STK32B: variants seen among roughly 807,000 people sequenced by gnomAD.
STK32B encodes serine/threonine kinase 32B.
STK32B carries 43 observed loss-of-function variants against 52.6 expected under a neutral mutation model. The observed-to-expected ratio is 0.82, with a 90% CI of 0.64 to 1.05. The LOEUF is 1.05. STK32B is among the 50% of genes least tolerant of loss of function. The pLI is 0.00. For synonymous variants in STK32B, 238 were observed against 204.3 expected (o/e 1.17, Z -1.41); for missense variants, 621 against 534.6 (o/e 1.16, Z -1.59).
At chr4:5,274,405 A>G (rs961139238) in intron 3 of STK32B, among the ~76,000 whole-genome samples, 2 of 152,100 alleles carry the variant, frequency 1.3e-5, no homozygotes, top group East Asian at 3.9e-4. Context: ...GGTGGGACAG[A>G]CCATATTGAG....
intron 2 of STK32B, among the ~76,000 whole-genome samples, chr4:5,150,562 G>C (rs1257168185): frequency 1.4e-5 from 2 of 146,292 alleles, no homozygotes; most frequent in African/African-American, 4.9e-5. Context: ...GCAGGCACAT[G>C]AATCTCAGTC....
chr4:5,254,478 T>G (rs1323227696), intron 3 of STK32B, among the ~76,000 whole-genome samples: 1 of 152,210 alleles, frequency 6.6e-6, no homozygotes, highest in East Asian at 1.9e-4. Context: ...ATACATACAT[T>G]GTTGATTTTC....
chr4:5,212,894 G>A (rs1030866663), intron 3 of STK32B, among the ~76,000 whole-genome samples: 8 of 152,132 alleles, frequency 5.3e-5, no homozygotes, highest in African/African-American at 1.7e-4. Flanking sequence ...ATGATCGCAG[G>A]CAGAAGGTCG....
At chr4:5,193,882 A>C (rs189859246) in intron 3 of STK32B, among the ~76,000 whole-genome samples, 1 of 152,206 alleles carries the variant, frequency 6.6e-6, no homozygotes, top group African/African-American at 2.4e-5. Context: ...CATCCTTCAG[A>C]GACATCTGTG....
Position 5,453,940 on chromosome 4 carries a change from G to T in STK32B, c.667-2867G>T, listed in dbSNP as rs928551405. On this transcript the variant is annotated intron_variant, in intron 7 of 11. Transcript: ENST00000282908. This position sits in a 1 kb window ranked among gnomAD's most constrained non-coding sequence, Gnocchi z 4.0. ...AAGTCCAAAACTGAACTCAGCCCCA[G>T]CTCATCTCCCAGTGGTAGCCCTGAG... 6.6e-6 allele frequency among the ~76,000 whole-genome samples: 1 copy of T among 151,990 alleles called. No homozygotes were observed. Among genetic ancestry groups the T allele is most frequent in the Non-Finnish European group, 1.5e-5 (1 of 68,008 alleles).
intron 1 of STK32B, among the ~76,000 whole-genome samples, chr4:5,110,826 GC>G (rs1370255280): frequency 6.6e-6 from 1 of 151,850 alleles, no homozygotes; most frequent in Non-Finnish European, 1.5e-5. Flanking sequence ...TAAACAGACA[GC>G]CTACAGAATG....
At position 5,419,342 on chromosome 4, in the gene STK32B, G is replaced by C. The variant is rs1173548937; in HGVS notation, c.562+2408G>C. On this transcript the variant is annotated intron_variant, in intron 6 of 11. Transcript: ENST00000282908. ...AGTTCTTCTTTCCTTTGTCTGTAGG[G>C]TCTCTGTCCTGAGGCAGTTTGGTTC... 4.6e-5 allele frequency among the ~76,000 whole-genome samples: 7 copies of C among 152,168 alleles called. No individual in the cohort carries two copies. The East Asian group carries it at 1.4e-3, about 29-fold the overall frequency.
intron 3 of STK32B, among the ~76,000 whole-genome samples, chr4:5,181,814 A>G (rs1720388265): frequency 6.6e-6 from 1 of 152,212 alleles, no homozygotes; most frequent in African/African-American, 2.4e-5. Context: ...CTTGATGTTG[A>G]CTGATCAGAG....
In STK32B at chr4:5,317,481, T is replaced by A. The variant is rs1158554922; in HGVS notation, c.261-13739T>A. Among the ~76,000 whole-genome samples, 256 of 59,396 alleles carry A rather than the reference T, an allele frequency of 4.3e-3. 37 individuals are homozygous for A. Among genetic ancestry groups the A allele is most frequent in the African/African-American group, 0.02 (224 of 11,074 alleles). 39.0% of individuals were successfully genotyped at this position (59,396 alleles called of 152,430 possible). On this transcript the variant is annotated intron_variant, in intron 3 of 11. Transcript: ENST00000282908. ...TAATATATATGTATAATATATATAT[T>A]ACATATATATAATATATATTATATA...
At chr4:5,387,146 C>A (rs112360611) in intron 4 of STK32B, among the ~76,000 whole-genome samples, 1 of 152,180 alleles carries the variant, frequency 6.6e-6, no homozygotes, top group African/African-American at 2.4e-5. Flanking sequence ...AGGAAGCGCT[C>A]GAGGATCCCA....
intron 6 of STK32B, among the ~76,000 whole-genome samples, chr4:5,418,627 A>C (rs577343933): frequency 2.0e-4 from 30 of 152,350 alleles, no homozygotes; most frequent in Non-Finnish European, 4.1e-4. Context: ...CAGAGGTACA[A>C]CTTTTGCCGC....
chr4:5,438,848 C>A (rs532732208), intron 6 of STK32B, among the ~76,000 whole-genome samples: 1 of 151,890 alleles, frequency 6.6e-6, no homozygotes, highest in Non-Finnish European at 1.5e-5. Context: ...TGACAATATG[C>A]GGTGTTTGGT....
chr4:5,245,334 G>A (rs930432490), intron 3 of STK32B, among the ~76,000 whole-genome samples: 2 of 152,082 alleles, frequency 1.3e-5, no homozygotes, highest in Admixed American at 6.5e-5. Flanking sequence ...ATTATGTAAT[G>A]GCCTTCTTTG....
intron 3 of STK32B, among the ~76,000 whole-genome samples, chr4:5,267,132 C>CA (rs11409328): frequency 0.97 from 147,936 of 152,048 alleles, 71,996 homozygotes; most frequent in East Asian, 1. Context: ...GCATTGTTTG[C>CA]AAAGAGAAAA....
chr4:5,468,040 G>T lies in STK32B; in HGVS notation c.1076G>T (p.Arg359Leu), dbSNP rs771310611. The stretch of plus-strand genomic sequence containing the variant: ...CTGCAGCACTGTTTGGAGACTGTCC[G>T]GGAGGAATTCATCATATTCAACAGA... Reference protein sequence around the residue: ...GHLQHCLETVREEFIIFNREK... With the variant: ...GHLQHCLETVLEEFIIFNREK... Residue 359 changes from arginine (R) to leucine (L), a missense_variant, in exon 11 of 12, where the codon CGG (arginine) becomes CTG (leucine). By Grantham distance (102) the Arg-to-Leu change is moderately radical. Coordinates refer to ENST00000282908, the MANE Select transcript of STK32B (RefSeq NM_018401.3). The T allele has an allele frequency of 6.2e-7, 1 of 1,614,110 alleles. No individual in the cohort carries two copies. Among genetic ancestry groups the T allele is most frequent in the Non-Finnish European group, 8.5e-7 (1 of 1,179,990 alleles).
chr4:5,175,241 G>A (rs191139025), intron 3 of STK32B, among the ~76,000 whole-genome samples: 42 of 151,788 alleles, frequency 2.8e-4, no homozygotes, highest in Non-Finnish European at 5.9e-4. Context: ...CTTTGCCGTT[G>A]CTTCAAACTT....
intron 11 of STK32B, among the ~76,000 whole-genome samples, chr4:5,483,490 T>C (rs1718892870): frequency 6.6e-6 from 1 of 152,194 alleles, no homozygotes; most frequent in Non-Finnish European, 1.5e-5. Flanking sequence ...TCTTCTTTAT[T>C]AGTCTTGCTA....
At chr4:5,203,224 A>G (rs1410082338) in intron 3 of STK32B, among the ~76,000 whole-genome samples, 1 of 152,178 alleles carries the variant, frequency 6.6e-6, no homozygotes, top group African/African-American at 2.4e-5. Flanking sequence ...CCCCCATCTC[A>G]TCTTTCTCAA....
In STK32B at chr4:5,440,257, C is replaced by G. The variant is rs575545949; in HGVS notation, c.563-6416C>G. ...ATGAGCATGGAATGTTCTTCCATTT[C>G]TTTGTATCCTCTTTTATTTCCTTGA... On this transcript the variant is annotated intron_variant, in intron 6 of 11. Transcript: ENST00000282908. Among the ~76,000 whole-genome samples the G allele has an allele frequency of 2.9e-4, 44 of 152,206 alleles. 1 individual carries two copies. The highest frequency in any genetic ancestry group is 1.4e-3 in the Admixed American group (21 of 15,292).
Sources: gnomAD v4.1 joint callset for allele counts (sites outside exome capture counted in the v4.1 genomes callset) on GRCh38, gnomAD v4.1.1 for gene constraint, Gnocchi (gnomAD v3.1) non-coding constraint, MANE v1.5 for transcripts, NCBI Gene and HGNC (gene_info 2026-07-23, HGNC 2026-07-21) for gene names.